The following ZNRF4 variants were observed in gnomAD, a reference collection of about 807,000 sequenced individuals.
ZNRF4 encodes the protein zinc and ring finger 4, also known as E3 ubiquitin-protein ligase ZNRF4.
For synonymous variants in ZNRF4, 291 were observed against 285.9 expected (o/e 1.02, Z -0.18); for missense variants, 569 against 609.4 (o/e 0.93, Z 0.70).
rs563147381 is a variant in ZNRF4, at chr19:5,456,206, G to A, written c.715G>A (p.Asp239Asn). ...NKSAHALLLP[D>N]DPPCHDLGCH... ...GTCGGCCCACGCGCTGCTCCTGCCC[G>A]ACGACCCACCGTGCCACGACCTGGG... Residue 239 changes from aspartate to asparagine, a missense_variant, in exon 1 of 1, where the codon GAC (aspartate) becomes AAC (asparagine). By Grantham distance (23) the Asp-to-Asn change is conservative. Transcript: ENST00000222033. The A allele has an allele frequency of 2.1e-5, 34 of 1,610,266 alleles. No individual in the cohort carries two copies. The highest frequency in any genetic ancestry group is 1.3e-4 in the Admixed American group (8 of 59,984).
rs2051616053 is a variant in ZNRF4, at chr19:5,456,152, G to C, written c.661G>C (p.Asp221His). The C allele has an allele frequency of 6.2e-7, 1 of 1,607,300 alleles. No individual in the cohort carries two copies. The highest frequency in any genetic ancestry group is 2.2e-5 in the East Asian group (1 of 44,858). Reference protein sequence around the residue: ...SVFVSEAASQDLRVILGCNKS... With the variant: ...SVFVSEAASQHLRVILGCNKS... ...GTTCGTGAGCGAGGCCGCCTCGCAG[G>C]ACCTGCGGGTCATCCTGGGCTGCAA... The change falls in exon 1 of 1, where the codon GAC becomes CAC. Residue 221 changes from aspartate to histidine, a missense_variant. Physicochemically the swap from Asp to His is moderately conservative, Grantham distance 81. Coordinates refer to ENST00000222033, the MANE Select transcript of ZNRF4 (RefSeq NM_181710.4).
rs772371194 is a variant in ZNRF4 at position 5,455,614 on chromosome 19, C to A, written c.123C>A (p.Pro41=). 1 of 1,611,108 alleles carries A rather than the reference C, an allele frequency of 6.2e-7. No homozygotes were observed. Among genetic ancestry groups the A allele is most frequent in the Non-Finnish European group, 8.5e-7 (1 of 1,179,996 alleles). ...TQLPSRPGHR[P]PGRPRRCPKA... Reference sequence around the variant, plus strand: ...TGCCCTCGCGTCCTGGCCACAGGCCCCCTGGGAGACCCCGGAGATGCCCAA... The same window carrying A: ...TGCCCTCGCGTCCTGGCCACAGGCCACCTGGGAGACCCCGGAGATGCCCAA... The change falls in exon 1 of 1, where the codon CCC becomes CCA. Residue 41 remains proline (P), a synonymous_variant. Transcript: ENST00000222033.
rs8103406 is a variant in ZNRF4, at chr19:5,455,960, G to A, written c.469G>A (p.Ala157Thr). 10 of 1,599,316 alleles carry A rather than the reference G, an allele frequency of 6.3e-6. No individual in the cohort carries two copies. The highest frequency in any genetic ancestry group is 2.7e-5 in the African/African-American group (2 of 74,824). The change falls in exon 1 of 1, where the codon GCC becomes ACC. Residue 157 changes from alanine (A) to threonine (T), a missense_variant. By Grantham distance (58) the Ala-to-Thr change is moderately conservative (BLOSUM62 0). Coordinates refer to ENST00000222033, the MANE Select transcript of ZNRF4 (RefSeq NM_181710.4). Reference protein sequence around the residue: ...APRLGNRSLGAIVLIRRYDCT... With the variant: ...APRLGNRSLGTIVLIRRYDCT... ...GCGACTGGGCAACCGCTCTCTGGGC[G>A]CCATCGTGCTGATCCGCCGCTACGA... is the stretch of plus-strand genomic sequence containing the variant.
At position 5,456,808 on chromosome 19, in the gene ZNRF4, A is replaced by G. The variant is rs1307034306; in HGVS notation, c.*27A>G. On this transcript the variant is annotated 3_prime_UTR_variant, in exon 1 of 1. Transcript: ENST00000222033. Reference sequence around the variant, plus strand: ...GATCTAGGGCAGGGAGGGGGGTGCAATGAGGAATGTTTCTGGTCTGAAAAG... The same window carrying G: ...GATCTAGGGCAGGGAGGGGGGTGCAGTGAGGAATGTTTCTGGTCTGAAAAG... The G allele has an allele frequency of 1.3e-6, 2 of 1,507,170 alleles. No individual in the cohort carries two copies. The highest frequency in any genetic ancestry group is 1.3e-5 in the South Asian group (1 of 74,822). 93.4% of individuals were successfully genotyped at this position (1,507,170 alleles called of 1,614,324 possible). A position where few individuals can be genotyped will look rare whatever the true frequency, so the allele number is the denominator to read the frequency against.
In ZNRF4 at chr19:5,455,851, C is replaced by T. The variant is rs1476740118; in HGVS notation, c.360C>T (p.Phe120=). The change falls in exon 1 of 1, where the codon TTC becomes TTT. Residue 120 remains phenylalanine (F), a synonymous_variant. Coordinates refer to ENST00000222033, the MANE Select transcript of ZNRF4 (RefSeq NM_181710.4). ...SVDFADLPAL[F]GVPLAPEGIR... ...ACTTTGCGGATCTGCCGGCGCTGTT[C>T]GGCGTCCCCCTGGCCCCCGAGGGCA... 2 of 1,603,678 alleles carry T rather than the reference C, an allele frequency of 1.2e-6. No homozygotes were observed. Among genetic ancestry groups the T allele is most frequent in the African/African-American group, 1.3e-5 (1 of 74,930 alleles).
chr19:5,456,279 C>A lies in ZNRF4; in HGVS notation c.788C>A (p.Ala263Asp), dbSNP rs1286496784. 2 of 1,613,552 alleles carry A rather than the reference C, an allele frequency of 1.2e-6. No homozygotes were observed. The highest frequency in any genetic ancestry group is 1.3e-5 in the African/African-American group (1 of 74,940). ...TCCTGGGTGCTGGGCTGTACCCTGG[C>A]CCTGGTCGTATCAGCCTTCTTTGTC... Reference protein sequence around the residue: ...TVSWVLGCTLALVVSAFFVLN... With the variant: ...TVSWVLGCTLDLVVSAFFVLN... The change falls in exon 1 of 1, where the codon GCC (alanine) becomes GAC (aspartate). Residue 263 changes from alanine to aspartate, a missense_variant. Transcript: ENST00000222033.
In ZNRF4 at chr19:5,455,543, G is replaced by C. The variant is rs2051609002; in HGVS notation, c.52G>C (p.Val18Leu). 6.2e-7 allele frequency: 1 copy of C among 1,612,710 alleles called. No homozygotes were observed. The highest frequency in any genetic ancestry group is 1.3e-5 in the African/African-American group (1 of 74,954). ...AATGCCTAGAGCCAGCAGGGTCCCAGTGGCCGCGTCACTGCCTCTGAGCCA... is the reference window on the plus strand; with the variant it reads ...AATGCCTAGAGCCAGCAGGGTCCCACTGGCCGCGTCACTGCCTCTGAGCCA... ...HLMPRASRVP[V>L]AASLPLSHAV... Residue 18 changes from valine to leucine, a missense_variant, in exon 1 of 1, where the codon GTG becomes CTG. By Grantham distance (32) the Val-to-Leu change is conservative (BLOSUM62 1). Transcript: ENST00000222033.
chr19:5,456,131 G>T lies in ZNRF4; in HGVS notation c.640G>T (p.Val214Leu), dbSNP rs114216623. 1 of 1,607,050 alleles carries T rather than the reference G, an allele frequency of 6.2e-7. No homozygotes were observed. The highest frequency in any genetic ancestry group is 8.5e-7 in the Non-Finnish European group (1 of 1,179,858). ...CCAGATCGCCATCCCCTCAGTGTTC[G>T]TGAGCGAGGCCGCCTCGCAGGACCT... ...RGQIAIPSVF[V>L]SEAASQDLRV... Residue 214 changes from valine to leucine, a missense_variant, in exon 1 of 1, where the codon GTG becomes TTG. Transcript: ENST00000222033.
In ZNRF4 at chr19:5,456,202, G is replaced by T; in HGVS notation, c.711G>T (p.Leu237=). ...ACAAGTCGGCCCACGCGCTGCTCCTGCCCGACGACCCACCGTGCCACGACC... is the reference window on the plus strand; with the variant it reads ...ACAAGTCGGCCCACGCGCTGCTCCTTCCCGACGACCCACCGTGCCACGACC... ...GCNKSAHALL[L]PDDPPCHDLG... Residue 237 remains leucine, a synonymous_variant, in exon 1 of 1, where the codon CTG becomes CTT. Coordinates refer to ENST00000222033, the MANE Select transcript of ZNRF4 (RefSeq NM_181710.4). The T allele has an allele frequency of 6.2e-7, 1 of 1,610,040 alleles. No individual in the cohort carries two copies.
rs1400825588 is a variant in ZNRF4, at chr19:5,455,902, G to A, written c.411G>A (p.Lys137=). 1 of 1,602,044 alleles carries A rather than the reference G, an allele frequency of 6.2e-7. No homozygotes were observed. Among genetic ancestry groups the A allele is most frequent in the Admixed American group, 1.7e-5 (1 of 59,994 alleles). ...EGIRGYLMEV[K]PANACHPIEA... is the part of the protein sequence containing the mutation. ...TACGGGGCTACCTGATGGAGGTCAA[G>A]CCAGCCAACGCGTGCCATCCCATCG... The change falls in exon 1 of 1, where the codon AAG becomes AAA. Residue 137 remains lysine, a synonymous_variant. Coordinates refer to ENST00000222033, the MANE Select transcript of ZNRF4 (RefSeq NM_181710.4).
At position 5,455,834 on chromosome 19, in the gene ZNRF4, G is replaced by A; in HGVS notation, c.343G>A (p.Asp115Asn). 1 of 1,604,128 alleles carries A rather than the reference G, an allele frequency of 6.2e-7. No homozygotes were observed. Among genetic ancestry groups the A allele is most frequent in the African/African-American group, 1.3e-5 (1 of 75,052 alleles). Residue 115 changes from aspartate (D) to asparagine (N), a missense_variant, in exon 1 of 1, where the codon GAT (aspartate) becomes AAT (asparagine). Coordinates refer to ENST00000222033, the MANE Select transcript of ZNRF4 (RefSeq NM_181710.4). ...EDNSSSVDFA[D>N]LPALFGVPLA... ...CAACTCGAGCTCGGTGGACTTTGCGGATCTGCCGGCGCTGTTCGGCGTCCC... is the reference window on the plus strand; with the variant it reads ...CAACTCGAGCTCGGTGGACTTTGCGAATCTGCCGGCGCTGTTCGGCGTCCC...
In ZNRF4 at chr19:5,455,694, G is replaced by A. The variant is rs375343769; in HGVS notation, c.203G>A (p.Arg68Gln). Residue 68 changes from arginine (R) to glutamine (Q), a missense_variant, in exon 1 of 1, where the codon CGG becomes CAG. Arg to Gln is a conservative substitution (Grantham distance 43). Transcript: ENST00000222033. ...CCTAGCAGCACACAGACAGCGAAGC[G>A]GGTGACCATGGGGTGGCCACGGCCG... ...VGPSSTQTAK[R>Q]VTMGWPRPGR... is the part of the protein sequence containing the mutation. 202 of 1,608,588 alleles carry A rather than the reference G, an allele frequency of 1.3e-4. No individual in the cohort carries two copies. Among genetic ancestry groups the A allele is most frequent in the Non-Finnish European group, 1.5e-4 (177 of 1,179,900 alleles).
At position 5,455,987 on chromosome 19, in the gene ZNRF4, T is replaced by C; in HGVS notation, c.496T>C (p.Cys166Arg). Residue 166 changes from cysteine (C) to arginine (R), a missense_variant, in exon 1 of 1, where the codon TGC (cysteine) becomes CGC (arginine). By Grantham distance (180) the Cys-to-Arg change is radical. Transcript: ENST00000222033. Reference protein sequence around the residue: ...GAIVLIRRYDCTFDLKVLNAQ... With the variant: ...GAIVLIRRYDRTFDLKVLNAQ... ...CATCGTGCTGATCCGCCGCTACGAC[T>C]GCACCTTCGACCTCAAGGTGCTGAA... 1 of 1,600,510 alleles carries C rather than the reference T, an allele frequency of 6.2e-7. No individual in the cohort carries two copies. The highest frequency in any genetic ancestry group is 8.5e-7 in the Non-Finnish European group (1 of 1,179,710).
rs758310114 is a variant in ZNRF4 at position 5,455,476 on chromosome 19, T to C, written c.-16T>C. The C allele has an allele frequency of 3.5e-5, 55 of 1,580,700 alleles. No homozygotes were observed. The highest frequency in any genetic ancestry group is 1.4e-4 in the Admixed American group (8 of 57,194). On this transcript the variant is annotated 5_prime_UTR_variant, in exon 1 of 1. Transcript: ENST00000222033. ...GCGCCAGCACCTCCTGAGACCGGCCTTCAAAGACACGACGCATGCCGCTCT... is the reference window on the plus strand; with the variant it reads ...GCGCCAGCACCTCCTGAGACCGGCCCTCAAAGACACGACGCATGCCGCTCT...
rs759101430 is a variant in ZNRF4 at position 5,456,524 on chromosome 19, C to T, written c.1033C>T (p.Arg345Trp). ...TGACCCCTGGTTCTCCCAAGCCCCCCGGCGCTCCTGCCCCGTGTGCAAACA... is the reference window on the plus strand; with the variant it reads ...TGACCCCTGGTTCTCCCAAGCCCCCTGGCGCTCCTGCCCCGTGTGCAAACA... ...CIDPWFSQAP[R>W]RSCPVCKQSV... The change falls in exon 1 of 1, where the codon CGG becomes TGG. Residue 345 changes from arginine (R) to tryptophan (W), a missense_variant. Physicochemically the swap from Arg to Trp is moderately radical, Grantham distance 101. Transcript: ENST00000222033. The T allele has an allele frequency of 1.4e-5, 23 of 1,614,064 alleles. No homozygotes were observed. Among genetic ancestry groups the T allele is most frequent in the South Asian group, 9.9e-5 (9 of 91,094 alleles).
Position 5,456,828 on chromosome 19 carries a change from G to A in ZNRF4, c.*47G>A, listed in dbSNP as rs1266578946. On this transcript the variant is annotated 3_prime_UTR_variant, in exon 1 of 1. Transcript: ENST00000222033. ...GTGCAATGAGGAATGTTTCTGGTCT[G>A]AAAAGAATAAAGTGGGTTTGAAAGC... is the stretch of plus-strand genomic sequence containing the variant. 1 of 1,475,144 alleles carries A rather than the reference G, an allele frequency of 6.8e-7. No homozygotes were observed. Among genetic ancestry groups the A allele is most frequent in the Admixed American group, 2.6e-5 (1 of 38,966 alleles). The allele number at this position is 1,475,144 out of a possible 1,614,324, so 91.4% of individuals were successfully genotyped here. A position where few individuals can be genotyped will look rare whatever the true frequency, so the allele number is the denominator to read the frequency against.
In ZNRF4 at chr19:5,455,959, C is replaced by T. The variant is rs374844845; in HGVS notation, c.468C>T (p.Gly156=). The T allele has an allele frequency of 4.1e-5, 66 of 1,600,638 alleles. No homozygotes were observed. The highest frequency in any genetic ancestry group is 5.3e-5 in the Non-Finnish European group (62 of 1,179,572). The part of the protein sequence containing the change: ...EAPRLGNRSL[G]AIVLIRRYDC... ...CGCGACTGGGCAACCGCTCTCTGGGCGCCATCGTGCTGATCCGCCGCTACG... is the reference window on the plus strand; with the variant it reads ...CGCGACTGGGCAACCGCTCTCTGGGTGCCATCGTGCTGATCCGCCGCTACG... Residue 156 remains glycine, a synonymous_variant, in exon 1 of 1, where the codon GGC becomes GGT. Coordinates refer to ENST00000222033, the MANE Select transcript of ZNRF4 (RefSeq NM_181710.4).
In ZNRF4 at chr19:5,455,514, A is replaced by T; in HGVS notation, c.23A>T (p.His8Leu). The change falls in exon 1 of 1, where the codon CAC becomes CTC. Residue 8 changes from histidine (H) to leucine (L), a missense_variant. His to Leu is a moderately conservative substitution (Grantham distance 99). Coordinates refer to ENST00000222033, the MANE Select transcript of ZNRF4 (RefSeq NM_181710.4). MPLCRPE[H>L]LMPRASRVPV... ...CGCATGCCGCTCTGCCGTCCGGAGC[A>T]CTTAATGCCTAGAGCCAGCAGGGTC... 6.2e-7 allele frequency: 1 copy of T among 1,611,304 alleles called. No individual in the cohort carries two copies. The highest frequency in any genetic ancestry group is 8.5e-7 in the Non-Finnish European group (1 of 1,179,092).
Position 5,455,582 on chromosome 19 carries a change from A to G in ZNRF4, c.91A>G (p.Thr31Ala), listed in dbSNP as rs1222705668. 6.2e-7 allele frequency: 1 copy of G among 1,612,324 alleles called. No individual in the cohort carries two copies. The highest frequency in any genetic ancestry group is 1.3e-5 in the African/African-American group (1 of 74,908). Reference sequence around the variant, plus strand: ...GCCTCTGAGCCACGCGGTCATTCCAACTCAACTGCCCTCGCGTCCTGGCCA... The same window carrying G: ...GCCTCTGAGCCACGCGGTCATTCCAGCTCAACTGCCCTCGCGTCCTGGCCA... ...SLPLSHAVIP[T>A]QLPSRPGHRP... The change falls in exon 1 of 1, where the codon ACT (threonine) becomes GCT (alanine). Residue 31 changes from threonine (T) to alanine (A), a missense_variant. Thr to Ala is a moderately conservative substitution (Grantham distance 58). Coordinates refer to ENST00000222033, the MANE Select transcript of ZNRF4 (RefSeq NM_181710.4).
Sources: gnomAD v4.1 joint callset for allele counts on GRCh38, gnomAD v4.1.1 for gene constraint, MANE v1.5 for transcripts, NCBI Gene and HGNC (gene_info 2026-07-23, HGNC 2026-07-21) for gene names.